Variants in MGST1 observed in about 807,000 individuals in gnomAD.
The protein encoded by MGST1 is microsomal glutathione S-transferase 1.
Under a neutral mutation model 8.9 loss-of-function variants are expected in MGST1, and 5 were observed. The observed-to-expected ratio is 0.56, with a 90% CI of 0.29 to 1.19. The LOEUF is 1.19. Among genes scored for constraint, MGST1 ranks in the 50% most tolerant of loss-of-function variants. MGST1 has a pLI of 0.08. For synonymous variants in MGST1, 54 were observed against 67.8 expected, an observed-to-expected ratio of 0.80 and a Z score of 1.00; for missense variants, 182 against 187.4, an observed-to-expected ratio of 0.97 and a Z score of 0.17.
chr12:16,354,081 A>G, intron 1 of MGST1, 150 bp from the exon 2 acceptor site: 1 of 652,556 alleles, frequency 1.5e-6, no homozygotes. Context: ...TTGACATTTT[A>G]AAAACTAAAC....
intron 1 of MGST1, among the ~76,000 whole-genome samples, chr12:16,388,020 T>C (rs192964612): frequency 2.6e-4 from 39 of 152,160 alleles, no homozygotes; most frequent in Non-Finnish European, 1.5e-5. Context: ...CACACCATGA[T>C]GTTTTCACAA....
At chr12:16,554,898 T>TCCGC (rs1170164791) in intron 4 of MGST1, among the ~76,000 whole-genome samples, 6 of 152,102 alleles carry the variant, frequency 3.9e-5, no homozygotes, top group South Asian at 2.1e-4. Flanking sequence ...AACCTCGTGA[T>TCCGC]CCGCCCGCCC....
intron 4 of MGST1, among the ~76,000 whole-genome samples, chr12:16,445,626 A>G (rs1489598175): frequency 6.6e-6 from 1 of 151,960 alleles, no homozygotes; most frequent in Admixed American, 6.6e-5. Flanking sequence ...TGATTAAGAT[A>G]GTGAAGAATT....
Position 16,384,842 on chromosome 12 carries a change from G to A in MGST1, n.778+1238G>A, listed in dbSNP as rs1009750316. 7.2e-5 allele frequency among the ~76,000 whole-genome samples: 11 copies of A among 152,356 alleles called. No homozygotes were observed. The South Asian group carries it at 2.3e-3, about 32-fold the overall frequency. On this transcript the variant is annotated intron_variant and non_coding_transcript_variant, in intron 1 of 1. Coordinates refer to the MGST1 transcript ENST00000359720. ...GTACTTTTGTACGCAGCTTCCTGGA[G>A]TTCTGACATGCTCCTTGTGGGATGC...
chr12:16,380,633 G>T (rs2137039267), downstream of MGST1, among the ~76,000 whole-genome samples: 1 of 152,280 alleles, frequency 6.6e-6, no homozygotes, highest in East Asian at 1.9e-4. Context: ...ATTTGGGGTG[G>T]AGAGTTCTGT....
intron 4 of MGST1, among the ~76,000 whole-genome samples, chr12:16,504,920 C>T (rs747867220): frequency 3.3e-5 from 5 of 152,150 alleles, no homozygotes; most frequent in Non-Finnish European, 5.9e-5. Context: ...ACAAATCCCA[C>T]CGAGGCTGGC....
chr12:16,395,826 C>CACACACACACACACA (rs1940601609), intron 1 of MGST1, among the ~76,000 whole-genome samples: 1 of 132,210 alleles, frequency 7.6e-6, no homozygotes, highest in Admixed American at 8.0e-5. Flanking sequence ...CACACACACA[C>CACACACACACACACA]CACAATTTCT....
chr12:16,445,138 C>A (rs990822067), intron 4 of MGST1, among the ~76,000 whole-genome samples: 14 of 151,430 alleles, frequency 9.2e-5, no homozygotes, highest in Admixed American at 6.6e-5. Flanking sequence ...GCTCTAGGCC[C>A]CATCCGAGAT....
chr12:16,420,741 C>T lies in MGST1; in HGVS notation n.779-16647C>T, dbSNP rs538854207. The stretch of plus-strand genomic sequence containing the variant: ...GCGGGGGTGATCTTGGGTGAGAATG[C>T]TCTCTTCTGCTGAGAACAACTGCCA... On this transcript the variant is annotated intron_variant and non_coding_transcript_variant, in intron 1 of 1. Coordinates refer to the MGST1 transcript ENST00000359720. Among the ~76,000 whole-genome samples, 7 of 152,242 alleles carry T rather than the reference C, an allele frequency of 4.6e-5. No individual in the cohort carries two copies. In the South Asian group the frequency reaches 1.5e-3, roughly 32 times the overall value.
chr12:16,457,146 AACTG>A (rs1418774026), intron 4 of MGST1, among the ~76,000 whole-genome samples: 2 of 152,030 alleles, frequency 1.3e-5, no homozygotes, highest in African/African-American at 4.8e-5. Flanking sequence ...TTAATAAAAT[AACTG>A]ACATCACTTT....
intron 4 of MGST1, among the ~76,000 whole-genome samples, chr12:16,556,376 C>A (rs1942189797): frequency 6.6e-6 from 1 of 152,124 alleles, no homozygotes; most frequent in South Asian, 2.1e-4. Context: ...ATGCAGGATT[C>A]ACGTTTTAGC....
chr12:16,468,671 A>G (rs891487543), intron 4 of MGST1, among the ~76,000 whole-genome samples: 2 of 152,232 alleles, frequency 1.3e-5, no homozygotes, highest in South Asian at 2.1e-4. Flanking sequence ...TTGGAGTGCT[A>G]TATACAAAGT....
Position 16,458,410 on chromosome 12 carries a change from G to T in MGST1, n.482+74806G>T, listed in dbSNP as rs1031635491. 1.3e-5 allele frequency among the ~76,000 whole-genome samples: 2 copies of T among 151,998 alleles called. No homozygotes were observed. The highest frequency in any genetic ancestry group is 4.8e-5 in the African/African-American group (2 of 41,434). ...ATTGAGCATAGATGTTGGACCCAGA[G>T]TTCTCCAAACTAAATTGTACTCTGA... On this transcript the variant is annotated intron_variant and non_coding_transcript_variant, in intron 4 of 4. Coordinates refer to the MGST1 transcript ENST00000538857. This position sits in a 1 kb window ranked among gnomAD's most constrained non-coding sequence, Gnocchi z 4.0.
At chr12:16,388,621 G>C (rs1379533066) in intron 1 of MGST1, among the ~76,000 whole-genome samples, 1 of 152,166 alleles carries the variant, frequency 6.6e-6, no homozygotes, top group Non-Finnish European at 1.5e-5. Flanking sequence ...TATATGCTTG[G>C]TTGTCACAGC....
chr12:16,526,992 A>G (rs746615529), intron 4 of MGST1, among the ~76,000 whole-genome samples: 19 of 151,520 alleles, frequency 1.3e-4, no homozygotes, highest in Non-Finnish European at 2.2e-4. Flanking sequence ...TGCTGTATCT[A>G]TCATCATCTA....
intron 1 of MGST1, among the ~76,000 whole-genome samples, chr12:16,395,804 T>TACACACACACACACACACACACAC (rs61693803): frequency 4.0e-5 from 5 of 123,744 alleles, no homozygotes; most frequent in Admixed American, 1.6e-4. Flanking sequence ...TATATATATA[T>TACACACACACACACACACACACAC]ACACACACAC....
Position 16,586,703 on chromosome 12 carries a change from C to T in MGST1, n.483-2825C>T, listed in dbSNP as rs1313656200. On this transcript the variant is annotated intron_variant and non_coding_transcript_variant, in intron 4 of 4. Coordinates refer to the MGST1 transcript ENST00000538857. The surrounding 1 kb of genome is among the most constrained non-coding windows in gnomAD (Gnocchi z 4.3). The stretch of plus-strand genomic sequence containing the variant: ...TTTCAAGATACACATCTTTTGACCC[C>T]CCATTGCAGTAGATGATGTTTTTTT... Among the ~76,000 whole-genome samples the T allele has an allele frequency of 6.6e-6, 1 of 152,158 alleles. No homozygotes were observed. The highest frequency in any genetic ancestry group is 6.5e-5 in the Admixed American group (1 of 15,272).
At chr12:16,507,922 A>G (rs1024956462) in intron 4 of MGST1, among the ~76,000 whole-genome samples, 3 of 152,150 alleles carry the variant, frequency 2.0e-5, no homozygotes, top group Non-Finnish European at 4.4e-5. Context: ...AAGGAAGAGG[A>G]GATGGGATTA....
downstream of MGST1, among the ~76,000 whole-genome samples, chr12:16,441,821 G>A (rs1398783163): frequency 1.3e-5 from 2 of 151,792 alleles, no homozygotes; most frequent in East Asian, 3.9e-4. Flanking sequence ...AAGTTTTTGT[G>A]TAGACATAAA....
Sources: allele counts gnomAD v4.1 joint callset (sites outside exome capture counted in the v4.1 genomes callset), GRCh38; gene constraint gnomAD v4.1.1; non-coding constraint Gnocchi (gnomAD v3.1); transcripts MANE v1.5; gene names NCBI Gene and HGNC (gene_info 2026-07-23, HGNC 2026-07-21).